The following ANOS1 variants were observed in gnomAD, a reference collection of about 807,000 sequenced individuals.
ANOS1 encodes anosmin-1.
Under a neutral mutation model 59.0 loss-of-function variants are expected in ANOS1, and 6 were observed. The observed-to-expected ratio is 0.10, with a 90% CI of 0.06 to 0.20. The LOEUF is 0.20. ANOS1 is among the 10% of genes least tolerant of loss of function. ANOS1 has a pLI of 1.00. For synonymous variants in ANOS1, 217 were observed against 223.4 expected, an observed-to-expected ratio of 0.97 and a Z score of 0.25; for missense variants, 433 against 542.3, an observed-to-expected ratio of 0.80 and a Z score of 2.00.
chrX:8,650,979 A>G (rs1931841211), intron 2 of ANOS1, among the ~76,000 whole-genome samples: 1 of 113,118 alleles, frequency 8.8e-6, no homozygotes, highest in Admixed American at 9.3e-5. Flanking sequence ...ATCATTCTAC[A>G]GATTCTCATG....
intron 1 of ANOS1, among the ~76,000 whole-genome samples, chrX:8,719,618 C>T (rs751927934): frequency 9.0e-6 from 1 of 111,695 alleles, no homozygotes; most frequent in Admixed American, 9.5e-5. Context: ...TAAACTCAGG[C>T]GATCTGCCCA....
chrX:8,549,181 ATTCTC>A (rs1250063477), intron 9 of ANOS1, among the ~76,000 whole-genome samples: 5 of 112,457 alleles, frequency 4.4e-5, no homozygotes, highest in Non-Finnish European at 9.4e-5. Context: ...TATTGAGACA[ATTCTC>A]TGCTTATGGT....
At chrX:8,717,283 G>A (rs1034804181) in intron 1 of ANOS1, among the ~76,000 whole-genome samples, 2 of 111,947 alleles carry the variant, frequency 1.8e-5, no homozygotes, top group Non-Finnish European at 1.9e-5. Flanking sequence ...ATTAAAAACA[G>A]GTTTAAAACA....
chrX:8,569,574 G>C (rs543671851), intron 7 of ANOS1, among the ~76,000 whole-genome samples: 1 of 111,741 alleles, frequency 8.9e-6, no homozygotes, highest in Admixed American at 9.4e-5. Flanking sequence ...CCCGGGAGGC[G>C]GAGCTTGCAG....
intron 3 of ANOS1, among the ~76,000 whole-genome samples, chrX:8,610,033 A>AAAAAAAAAAAAAAAAAACCAC (rs1287806402): frequency 1.2e-5 from 1 of 82,705 alleles, no homozygotes. Flanking sequence ...AAAAAAAAAA[A>AAAAAAAAAAAAAAAAAACCAC]AACAACAACC....
chrX:8,677,425 G>T (rs1165967686), intron 2 of ANOS1, among the ~76,000 whole-genome samples: 4 of 112,006 alleles, frequency 3.6e-5, no homozygotes, highest in Non-Finnish European at 5.6e-5. Flanking sequence ...TGTGGCTGAT[G>T]TCTACCATAC....
At chrX:8,635,783 G>A (rs769027321) in intron 2 of ANOS1, among the ~76,000 whole-genome samples, 20 of 111,189 alleles carry the variant, frequency 1.8e-4, no homozygotes, top group African/African-American at 6.2e-4. Context: ...TATATCCTTC[G>A]GCAGACTATC....
intron 2 of ANOS1, among the ~76,000 whole-genome samples, chrX:8,668,526 CATAT>C (rs59283885): frequency 1.9e-4 from 16 of 83,696 alleles, no homozygotes; most frequent in African/African-American, 4.0e-4. Context: ...TATGATAGTC[CATAT>C]ATATATATAT....
intron 2 of ANOS1, among the ~76,000 whole-genome samples, chrX:8,690,638 A>G (rs1158097804): frequency 8.9e-6 from 1 of 111,758 alleles, no homozygotes; most frequent in Non-Finnish European, 1.9e-5. Context: ...CTCATACAAA[A>G]CAAAAATTTC....
chrX:8,587,615 C>T (rs1930540556), intron 5 of ANOS1, among the ~76,000 whole-genome samples, 179 bp downstream of exon 5: 1 of 111,647 alleles, frequency 9.0e-6, no homozygotes, highest in South Asian at 3.7e-4. Context: ...CGAGCACATT[C>T]GTTTGTATCT....
intron 2 of ANOS1, among the ~76,000 whole-genome samples, chrX:8,630,094 T>C (rs1373453637): frequency 1.8e-5 from 2 of 111,901 alleles, no homozygotes; most frequent in Non-Finnish European, 3.8e-5. Flanking sequence ...AGTATGTAGA[T>C]AAATAAGTCC....
chrX:8,594,461 G>T (rs1930674879), intron 4 of ANOS1, among the ~76,000 whole-genome samples: 1 of 104,623 alleles, frequency 9.6e-6, no homozygotes, highest in Admixed American at 1.1e-4. Flanking sequence ...TGGACTCCAG[G>T]TTGGGAATGC....
Position 8,628,612 on chromosome X carries a change from A to C in ANOS1, c.256-4942T>G, listed in dbSNP as rs1006786851. Reference sequence around the variant, plus strand: ...CCAGGAGACAATTGCTTTAGAATGTATTACATAAACTCCTATAGGCGCCAT... The same window carrying C: ...CCAGGAGACAATTGCTTTAGAATGTCTTACATAAACTCCTATAGGCGCCAT... On this transcript the variant is annotated intron_variant, in intron 2 of 13. Coordinates refer to ENST00000262648, the MANE Select transcript of ANOS1 (RefSeq NM_000216.4). Among the ~76,000 whole-genome samples the C allele has an allele frequency of 3.6e-5, 4 of 112,004 alleles. No homozygotes were observed. The Admixed American group carries it at 3.8e-4, about 11-fold the overall frequency.
intron 3 of ANOS1, among the ~76,000 whole-genome samples, chrX:8,603,277 G>A (rs1288900770): frequency 9.0e-6 from 1 of 111,497 alleles, no homozygotes; most frequent in Non-Finnish European, 1.9e-5. Context: ...GAGGTGCATT[G>A]GATTAAGTAA....
chrX:8,588,711 T>C (rs1179533195), intron 4 of ANOS1, among the ~76,000 whole-genome samples: 2 of 112,821 alleles, frequency 1.8e-5, no homozygotes, highest in African/African-American at 6.4e-5. Context: ...TTAATCATTC[T>C]GATTTCTTTA....
intron 1 of ANOS1, among the ~76,000 whole-genome samples, chrX:8,725,487 TACAC>T (rs869298207): frequency 9.5e-6 from 1 of 105,140 alleles, no homozygotes; most frequent in African/African-American, 3.4e-5. Flanking sequence ...GGTGTCCAAA[TACAC>T]ACATGTGGAT....
chrX:8,675,906 T>C (rs977537853), intron 2 of ANOS1, among the ~76,000 whole-genome samples: 2 of 88,306 alleles, frequency 2.3e-5, no homozygotes, highest in African/African-American at 8.4e-5. Flanking sequence ...CCCTTCCCTG[T>C]GTCCATGTGT....
At chrX:8,584,406 T>TTTTG (rs772935518) in intron 6 of ANOS1, among the ~76,000 whole-genome samples, 28 of 108,918 alleles carry the variant, frequency 2.6e-4, no homozygotes, top group South Asian at 3.9e-4. Flanking sequence ...AAAAAAAGTG[T>TTTTG]TTTGTTTGTT....
intron 7 of ANOS1, among the ~76,000 whole-genome samples, chrX:8,569,001 GAGATCT>G (rs1378545655): frequency 9.0e-6 from 1 of 111,652 alleles, no homozygotes; most frequent in Non-Finnish European, 1.9e-5. Context: ...TAAAGTAACA[GAGATCT>G]ATGTTGCCAC....
Sources: gnomAD v4.1 joint callset for allele counts (sites outside exome capture counted in the v4.1 genomes callset) on GRCh38, gnomAD v4.1.1 for gene constraint, MANE v1.5 for transcripts, NCBI Gene and HGNC (gene_info 2026-07-23, HGNC 2026-07-21) for gene names.